The following KRT84 variants were observed in gnomAD, a reference collection of about 807,000 sequenced individuals.
KRT84 encodes keratin 84.
KRT84 carries 38 observed loss-of-function variants against 49.0 expected under a neutral mutation model. That is an observed-to-expected ratio of 0.78 (90% CI 0.60 to 1.02). The LOEUF (loss-of-function observed/expected upper bound fraction) is 1.02. Ranked by LOEUF, KRT84 falls within the 50% of genes least tolerant of loss-of-function variation. The pLI is 0.00. For synonymous variants in KRT84, 334 were observed against 312.8 expected, an observed-to-expected ratio of 1.07 and a Z score of -0.72; for missense variants, 860 against 788.6, an observed-to-expected ratio of 1.09 and a Z score of -1.08.
At chr12:52,383,492 A>C (rs1262283830) in intron 2 of KRT84, 98 bp downstream of exon 2, 17 of 1,004,830 alleles carry the variant, frequency 1.7e-5, no homozygotes, top group Admixed American at 2.4e-5. Context: ...ACCAGCATTC[A>C]ACCCTGATCC....
chr12:52,378,985 C>T (rs1939434773), intron 8 of KRT84, among the ~76,000 whole-genome samples: 1 of 152,202 alleles, frequency 6.6e-6, no homozygotes, highest in African/African-American at 2.4e-5. Flanking sequence ...TCTTTCCTGC[C>T]CTTTCATCTT....
At position 52,380,548 on chromosome 12, in the gene KRT84, C is replaced by T; in HGVS notation, c.1239G>A (p.Glu413=). The T allele has an allele frequency of 6.2e-7, 1 of 1,613,500 alleles. No individual in the cohort carries two copies. ...CACTGAGGGTCGCCTCGCCCTGCTGCTCGGCCTCGGCCACTGCAGCCTCCA... is the reference window on the plus strand; with the variant it reads ...CACTGAGGGTCGCCTCGCCCTGCTGTTCGGCCTCGGCCACTGCAGCCTCCA... The part of the protein sequence containing the change: ...AKLEAAVAEA[E]QQGEATLSDA... The change falls in exon 7 of 9, where the codon GAG becomes GAA. Residue 413 remains glutamate (E), a synonymous_variant. Transcript: ENST00000257951.
At position 52,383,791 on chromosome 12, in the gene KRT84, A is replaced by C. The variant is rs149277949; in HGVS notation, c.554T>G (p.Phe185Cys). ...KFASFIDKVR[F>C]LEQQNKLLET... Reference sequence around the variant, plus strand: ...TAGGAGCTTATTCTGCTGCTCTAGGAACCGAACCTAAATCCACAGGGCACA... The same window carrying C: ...TAGGAGCTTATTCTGCTGCTCTAGGCACCGAACCTAAATCCACAGGGCACA... Residue 185 changes from phenylalanine (F) to cysteine (C), a missense_variant, in exon 2 of 9, where the codon TTC becomes TGC. Physicochemically the swap from Phe to Cys is radical, Grantham distance 205. Transcript: ENST00000257951. 4 of 1,612,456 alleles carry C rather than the reference A, an allele frequency of 2.5e-6. No individual in the cohort carries two copies. Among genetic ancestry groups the C allele is most frequent in the Non-Finnish European group, 3.4e-6 (4 of 1,178,968 alleles).
chr12:52,382,440 C>CCTTTACCTCTAAA lies in KRT84; in HGVS notation c.908_909insTTTAGAGGTAAAG (p.Met303IlefsTer29). On this transcript the variant is annotated frameshift_variant, in exon 4 of 9. Coordinates refer to ENST00000257951, the MANE Select transcript of KRT84 (RefSeq NM_033045.4). LOFTEE classifies it high-confidence loss of function. ...CCTAGAGAAGATGAACCCTCACCTC[C>CCTTTACCTCTAAA]ATGTAAAGCGTTTTTAGAAAGTCAA... The CCTTTACCTCTAAA allele has an allele frequency of 6.2e-7, 1 of 1,611,340 alleles. No homozygotes were observed. Among genetic ancestry groups the CCTTTACCTCTAAA allele is most frequent in the Non-Finnish European group, 8.5e-7 (1 of 1,177,452 alleles).
intron 4 of KRT84, 56 bp downstream of exon 4, chr12:52,382,381 G>A: frequency 3.5e-6 from 4 of 1,158,572 alleles, no homozygotes; most frequent in Non-Finnish European, 5.2e-6. Context: ...AAGCATTCAG[G>A]GAGTCCAGGC....
intron 7 of KRT84, 94 bp from the exon 8 acceptor site, chr12:52,380,001 G>A: frequency 9.1e-7 from 1 of 1,101,292 alleles, no homozygotes; most frequent in Admixed American, 1.8e-5. Flanking sequence ...GAGTAGATCT[G>A]TGGAGCAGTA....
At position 52,384,741 on chromosome 12, in the gene KRT84, C is replaced by G. The variant is rs17119945; in HGVS notation, c.546+299G>C. Among the ~76,000 whole-genome samples the G allele has an allele frequency of 1.6e-3, 247 of 152,276 alleles. 2 individuals are homozygous for G. In the East Asian group the frequency reaches 0.025, roughly 15 times the overall value. On this transcript the variant is annotated intron_variant, in intron 1 of 8. Coordinates refer to ENST00000257951, the MANE Select transcript of KRT84 (RefSeq NM_033045.4). Reference sequence around the variant, plus strand: ...TGTTTCAGAGACATTTCTAAGTGACCAGATGCAACATCTTAGTTTGTCGAG... The same window carrying G: ...TGTTTCAGAGACATTTCTAAGTGACGAGATGCAACATCTTAGTTTGTCGAG...
rs377137495 is a variant in KRT84 at position 52,379,920 on chromosome 12, A to G, written c.1425-13T>C. ...ACCTTCACAGAGCCTGGAAAGGGGA[A>G]GAAACAAATCATTTCACATGCACTA... On this transcript the variant is annotated splice_polypyrimidine_tract_variant and intron_variant, in intron 7 of 8. Transcript: ENST00000257951. 9 of 1,609,780 alleles carry G rather than the reference A, an allele frequency of 5.6e-6. No individual in the cohort carries two copies. The African/African-American group carries it at 1.1e-4, about 19-fold the overall frequency.
intron 8 of KRT84, 138 bp downstream of exon 8, chr12:52,379,738 G>A: frequency 2.8e-6 from 2 of 721,992 alleles, no homozygotes; most frequent in Non-Finnish European, 5.0e-6. Context: ...CCCATCCAGG[G>A]CTGGATGGTC....
chr12:52,385,201 C>G lies in KRT84; in HGVS notation c.385G>C (p.Val129Leu), dbSNP rs770231773. Residue 129 changes from valine to leucine, a missense_variant, in exon 1 of 9, where the codon GTT becomes CTT. Transcript: ENST00000257951. ...GPGFGYRVGG[V>L]GVPAAPSITA... ...ATAGATGGGGCTGCTGGGACTCCAACCCCTCCAACTCTGTAACCAAAGCCA... is the reference window on the plus strand; with the variant it reads ...ATAGATGGGGCTGCTGGGACTCCAAGCCCTCCAACTCTGTAACCAAAGCCA... 6 of 1,611,638 alleles carry G rather than the reference C, an allele frequency of 3.7e-6. No homozygotes were observed. In the Admixed American group the frequency reaches 5.0e-5, roughly 13 times the overall value.
chr12:52,384,054 T>A (rs1939533134), intron 1 of KRT84, among the ~76,000 whole-genome samples: 1 of 152,176 alleles, frequency 6.6e-6, no homozygotes, highest in Admixed American at 6.5e-5. Flanking sequence ...ATCCAGTCTC[T>A]AAGAAAGCTG....
At chr12:52,383,499 A>C (rs1939520249) in intron 2 of KRT84, 91 bp downstream of exon 2, 4 of 1,057,040 alleles carry the variant, frequency 3.8e-6, no homozygotes. Flanking sequence ...TTCAACCCTG[A>C]TCCTTCCAGC....
intron 1 of KRT84, among the ~76,000 whole-genome samples, chr12:52,384,673 A>G (rs1008976455): frequency 6.6e-6 from 1 of 152,238 alleles, no homozygotes; most frequent in Non-Finnish European, 1.5e-5. Context: ...CCTCTTAAGC[A>G]TATACCAGCC....
At chr12:52,381,759 T>C (rs540670197) in intron 4 of KRT84, among the ~76,000 whole-genome samples, 14 of 152,332 alleles carry the variant, frequency 9.2e-5, no homozygotes, top group African/African-American at 3.1e-4. Flanking sequence ...CACACTACTT[T>C]GCTCAGTAAG....
chr12:52,384,865 G>C (rs1939546109), intron 1 of KRT84, among the ~76,000 whole-genome samples, 175 bp downstream of exon 1: 1 of 152,134 alleles, frequency 6.6e-6, no homozygotes, highest in Non-Finnish European at 1.5e-5. Flanking sequence ...GCTTGGCCTT[G>C]CTCTGCAGCA....
Position 52,378,099 on chromosome 12 carries a change from T to C in KRT84, c.1738A>G (p.Ser580Gly). The stretch of plus-strand genomic sequence containing the variant: ...CGGACGCTGGAGCTGCGGCCGCCGC[T>C]GCAGCTGCTGAAGCCCCCCTGGGTG... Reference protein sequence around the residue: ...LPTQGGFSSCSGGRSSSVRFV... With the variant: ...LPTQGGFSSCGGGRSSSVRFV... Residue 580 changes from serine (S) to glycine (G), a missense_variant, in exon 9 of 9, where the codon AGC becomes GGC. Coordinates refer to ENST00000257951, the MANE Select transcript of KRT84 (RefSeq NM_033045.4). The C allele has an allele frequency of 1.3e-6, 2 of 1,511,628 alleles. No homozygotes were observed. Among genetic ancestry groups the C allele is most frequent in the Admixed American group, 2.3e-5 (1 of 42,770 alleles). The allele number at this position is 1,511,628 out of a possible 1,614,324, so 93.6% of individuals were successfully genotyped here. A position where few individuals can be genotyped will look rare whatever the true frequency, so the allele number is the denominator to read the frequency against.
At chr12:52,382,246 G>A (rs1939495955) in intron 4 of KRT84, among the ~76,000 whole-genome samples, 191 bp downstream of exon 4, 1 of 152,142 alleles carries the variant, frequency 6.6e-6, no homozygotes, top group African/African-American at 2.4e-5. Flanking sequence ...CTTGCATCAG[G>A]CTGCTGAAAA....
Position 52,381,092 on chromosome 12 carries a change from G to T in KRT84, c.1191C>A (p.His397Gln). 1 of 1,613,938 alleles carries T rather than the reference G, an allele frequency of 6.2e-7. No homozygotes were observed. Among genetic ancestry groups the T allele is most frequent in the Non-Finnish European group, 8.5e-7 (1 of 1,179,938 alleles). Residue 397 changes from histidine to glutamine, a missense_variant, in exon 6 of 9, where the codon CAC (histidine) becomes CAA (glutamine). Transcript: ENST00000257951. ...LIQRLKAEIE[H>Q]AKAQRAKLEA... is the part of the protein sequence containing the mutation. Reference sequence around the variant, plus strand: ...TTCCTTTGCCCACCTGAGCCTTGGCGTGCTCAATCTCTGCCTTAAGCCTCT... The same window carrying T: ...TTCCTTTGCCCACCTGAGCCTTGGCTTGCTCAATCTCTGCCTTAAGCCTCT...
intron 8 of KRT84, 65 bp downstream of exon 8, chr12:52,379,811 G>A: frequency 2.2e-6 from 3 of 1,381,758 alleles, no homozygotes; most frequent in East Asian, 4.6e-5. Flanking sequence ...CCCAGTGTGA[G>A]CCTGAGTTTA....
Sources: gnomAD v4.1 joint callset for allele counts (sites outside exome capture counted in the v4.1 genomes callset) on GRCh38, gnomAD v4.1.1 for gene constraint, MANE v1.5 for transcripts, NCBI Gene and HGNC (gene_info 2026-07-23, HGNC 2026-07-21) for gene names.